Variants in PNPT1 observed in about 807,000 individuals in gnomAD.
The protein encoded by PNPT1 is polyribonucleotide nucleotidyltransferase 1.
PNPT1 carries 53 observed loss-of-function variants against 119.5 expected under a neutral mutation model. The ratio of observed to expected loss-of-function variants is 0.44; its 90% CI spans 0.36 to 0.56. PNPT1 has a LOEUF of 0.56. Ranked by LOEUF, PNPT1 falls within the 20% of genes least tolerant of loss-of-function variation. The pLI, the probability that PNPT1 is intolerant of heterozygous loss-of-function variation, is 0.00. For synonymous variants in PNPT1, 357 were observed against 322.1 expected (o/e 1.11, Z -1.16); for missense variants, 948 against 938.5 (o/e 1.01, Z -0.13).
intron 11 of PNPT1, among the ~76,000 whole-genome samples, chr2:55,669,902 G>A (rs1696854655): frequency 6.6e-6 from 1 of 151,840 alleles, no homozygotes; most frequent in Non-Finnish European, 1.5e-5. Context: ...GGGATTACAG[G>A]AGCCTGCCAC....
intron 8 of PNPT1, among the ~76,000 whole-genome samples, chr2:55,673,513 A>G (rs1559105527): frequency 1.3e-5 from 2 of 151,714 alleles, no homozygotes; most frequent in South Asian, 2.1e-4. Flanking sequence ...CAGTGGCGCA[A>G]TCTCGGCTCA....
At chr2:55,678,881 C>T in intron 8 of PNPT1, among the ~76,000 whole-genome samples, 1 of 152,202 alleles carries the variant, frequency 6.6e-6, no homozygotes, top group East Asian at 1.9e-4. Context: ...AGATGTTTCA[C>T]ATATTACTTG....
At chr2:55,650,745 G>T (rs376887265) in intron 18 of PNPT1, among the ~76,000 whole-genome samples, 12 of 150,226 alleles carry the variant, frequency 8.0e-5, no homozygotes, top group African/African-American at 2.9e-4. Flanking sequence ...GAGACCCTCC[G>T]CCCGGCAACC....
chr2:55,669,761 ACT>A (rs143358309), intron 11 of PNPT1, among the ~76,000 whole-genome samples: 53,547 of 146,976 alleles, frequency 0.36, 11,255 homozygotes, highest in African/African-American at 0.58. Context: ...TGCTAACAGC[ACT>A]TTTTTTTTTT....
intron 11 of PNPT1, among the ~76,000 whole-genome samples, chr2:55,670,811 A>G (rs1696886854): frequency 2.0e-5 from 3 of 152,160 alleles, no homozygotes; most frequent in Admixed American, 2.0e-4. Context: ...TTCACATTCA[A>G]CATTTACTAG....
intron 11 of PNPT1, among the ~76,000 whole-genome samples, chr2:55,670,181 TTTTA>T (rs903233705): frequency 9.2e-5 from 14 of 151,856 alleles, no homozygotes; most frequent in African/African-American, 2.9e-4. Context: ...TTACTATTAT[TTTTA>T]TTTATTTATT....
chr2:55,693,482 G>A (rs553412886), intron 1 of PNPT1, among the ~76,000 whole-genome samples, 181 bp downstream of exon 1: 3 of 152,222 alleles, frequency 2.0e-5, no homozygotes, highest in Non-Finnish European at 2.9e-5. Flanking sequence ...ACATAGCGCG[G>A]GAAGGAGGGT....
chr2:55,673,277 T>C (rs548473123), intron 8 of PNPT1, among the ~76,000 whole-genome samples, 198 bp from the exon 9 acceptor site: 4 of 152,188 alleles, frequency 2.6e-5, no homozygotes, highest in Admixed American at 6.5e-5. Flanking sequence ...CACCTTGATA[T>C]CTGTATTTAG....
intron 18 of PNPT1, among the ~76,000 whole-genome samples, chr2:55,647,659 A>G (rs1696044433): frequency 6.6e-6 from 1 of 151,798 alleles, no homozygotes; most frequent in Non-Finnish European, 1.5e-5. Context: ...AGCTGGGATT[A>G]TAGGCACCCG....
rs1559105220 is a variant in PNPT1, at chr2:55,673,089, G to GA, written c.680-11_680-10insT. The GA allele has an allele frequency of 6.6e-7, 1 of 1,523,976 alleles. No individual in the cohort carries two copies. The highest frequency in any genetic ancestry group is 8.7e-7 in the Non-Finnish European group (1 of 1,142,898). The allele number at this position is 1,523,976 out of a possible 1,614,324, so 94.4% of individuals were successfully genotyped here. On this transcript the variant is annotated splice_polypyrimidine_tract_variant and intron_variant, in intron 8 of 27. Coordinates refer to ENST00000447944, the MANE Select transcript of PNPT1 (RefSeq NM_033109.5). ...GAGGCTTCCAACATGACTATTTAAAGGAAAAAGAAAAAAAAAATGACTGCC... is the reference window on the plus strand; with the variant it reads ...GAGGCTTCCAACATGACTATTTAAAGAGAAAAAGAAAAAAAAAATGACTGCC...
chr2:55,670,394 G>C (rs1360578959), intron 11 of PNPT1, among the ~76,000 whole-genome samples: 3 of 151,684 alleles, frequency 2.0e-5, no homozygotes, highest in African/African-American at 7.3e-5. Flanking sequence ...CACCGTATTA[G>C]CCAGGATGGT....
intron 8 of PNPT1, among the ~76,000 whole-genome samples, chr2:55,677,756 T>G (rs1353674200): frequency 1.3e-5 from 2 of 151,966 alleles, no homozygotes; most frequent in Non-Finnish European, 2.9e-5. Flanking sequence ...TGTTTGTTTT[T>G]TGAGACAGAG....
At chr2:55,660,254 C>A in intron 14 of PNPT1, 61 bp from the exon 15 acceptor site, 2 of 1,489,032 alleles carry the variant, frequency 1.3e-6, no homozygotes, top group South Asian at 2.7e-5. Context: ...TATTTCAAAA[C>A]ACAACTAAAA....
intron 12 of PNPT1, among the ~76,000 whole-genome samples, 200 bp downstream of exon 12, chr2:55,667,662 C>T (rs1267715415): frequency 3.9e-5 from 6 of 152,044 alleles, no homozygotes; most frequent in South Asian, 2.1e-4. Context: ...TGGCAGGCAC[C>T]GCTTTATACA....
intron 15 of PNPT1, among the ~76,000 whole-genome samples, chr2:55,657,311 A>T (rs971458945): frequency 6.6e-6 from 1 of 152,068 alleles, no homozygotes; most frequent in Admixed American, 6.5e-5. Flanking sequence ...CCTGTGGAAC[A>T]GAGACCCTTT....
chr2:55,647,436 C>CAG lies in PNPT1; in HGVS notation c.1511_1512dup (p.Ala505LeufsTer6), dbSNP rs1271089724. On this transcript the variant is annotated frameshift_variant, in exon 19 of 28. Transcript: ENST00000447944. LOFTEE classifies it high-confidence loss of function. ...AATCCTATTGCTACGCCTGCAACAG[C>CAG]AGATGAAATTGGAACCCCTATAATT... 1 of 1,607,946 alleles carries CAG rather than the reference C, an allele frequency of 6.2e-7. No individual in the cohort carries two copies. The highest frequency in any genetic ancestry group is 1.3e-5 in the African/African-American group (1 of 74,822).
At chr2:55,666,712 C>G (rs1696743683) in intron 13 of PNPT1, among the ~76,000 whole-genome samples, 1 of 152,112 alleles carries the variant, frequency 6.6e-6, no homozygotes, top group Non-Finnish European at 1.5e-5. Flanking sequence ...CATAGTGGCA[C>G]ACGCCTGTAG....
intron 5 of PNPT1, among the ~76,000 whole-genome samples, chr2:55,681,234 C>G (rs1426033783): frequency 3.3e-5 from 5 of 152,046 alleles, no homozygotes; most frequent in Non-Finnish European, 7.4e-5. Context: ...TGGTGAAACT[C>G]TGTCGCTACT....
At chr2:55,679,650 C>A in intron 8 of PNPT1, 32 bp downstream of exon 8, 1 of 1,431,842 alleles carries the variant, frequency 7.0e-7, no homozygotes, top group Non-Finnish European at 9.8e-7. Flanking sequence ...TAAGTAAAAT[C>A]CAGAACAAAT....
Sources: allele counts gnomAD v4.1 joint callset (sites outside exome capture counted in the v4.1 genomes callset), GRCh38; gene constraint gnomAD v4.1.1; transcripts MANE v1.5; gene names NCBI Gene and HGNC (gene_info 2026-07-23, HGNC 2026-07-21).